The following SGCZ variants were observed in gnomAD, a reference collection of about 807,000 sequenced individuals.
SGCZ encodes the protein sarcoglycan zeta.
In SGCZ, 40 loss-of-function variants were observed where a neutral mutation model predicts 41.3. The ratio of observed to expected loss-of-function variants is 0.97; its 90% CI spans 0.75 to 1.26. The LOEUF (loss-of-function observed/expected upper bound fraction) is 1.26. Ranked by LOEUF, SGCZ falls within the 50% of genes most tolerant of loss-of-function variation. The pLI is 0.00. For missense variants in SGCZ, 552 were observed against 369.8 expected, an observed-to-expected ratio of 1.49 and a Z score of -4.04; for synonymous variants, 206 against 137.5, an observed-to-expected ratio of 1.50 and a Z score of -3.49.
intron 2 of SGCZ, among the ~76,000 whole-genome samples, chr8:14,482,732 C>A (rs1418342433): frequency 6.6e-6 from 1 of 151,768 alleles, no homozygotes; most frequent in East Asian, 2.0e-4. Context: ...GCTGAGGGCC[C>A]GAATAGAACA....
chr8:14,549,510 C>T (rs541826873), intron 2 of SGCZ, among the ~76,000 whole-genome samples: 2 of 152,026 alleles, frequency 1.3e-5, no homozygotes, highest in Non-Finnish European at 2.9e-5. Flanking sequence ...TGAACCTACA[C>T]TTTTAAAACT....
chr8:14,357,576 G>C (rs932046482), intron 2 of SGCZ, among the ~76,000 whole-genome samples: 1 of 152,118 alleles, frequency 6.6e-6, no homozygotes, highest in Non-Finnish European at 1.5e-5. Flanking sequence ...TGGCAAAAGG[G>C]ACTCGCTACC....
At chr8:14,368,502 C>G (rs1205176066) in intron 2 of SGCZ, among the ~76,000 whole-genome samples, 1 of 152,052 alleles carries the variant, frequency 6.6e-6, no homozygotes, top group Non-Finnish European at 1.5e-5. Context: ...GTCCTCCATA[C>G]TAAAACTTCA....
chr8:14,545,141 C>A (rs547492401), intron 2 of SGCZ, among the ~76,000 whole-genome samples: 1 of 152,016 alleles, frequency 6.6e-6, no homozygotes, highest in Admixed American at 6.6e-5. Flanking sequence ...TAGAAAGAAC[C>A]TACATTGAAA....
At chr8:14,922,264 TA>T (rs1306263713) in intron 1 of SGCZ, among the ~76,000 whole-genome samples, 1 of 152,080 alleles carries the variant, frequency 6.6e-6, no homozygotes, top group Non-Finnish European at 1.5e-5. Context: ...ATTCTTGGGC[TA>T]ACCATGTCTT....
At chr8:15,085,252 C>A (rs928995644) in intron 1 of SGCZ, among the ~76,000 whole-genome samples, 2 of 152,166 alleles carry the variant, frequency 1.3e-5, no homozygotes, top group Non-Finnish European at 2.9e-5. Context: ...TCTATGCTCT[C>A]ATTTTTACTT....
At chr8:15,109,016 T>A (rs1252659904) in intron 1 of SGCZ, among the ~76,000 whole-genome samples, 1 of 152,180 alleles carries the variant, frequency 6.6e-6, no homozygotes, top group Admixed American at 6.5e-5. Context: ...TGAGGTTTGA[T>A]GGTCTTACAG....
intron 1 of SGCZ, among the ~76,000 whole-genome samples, chr8:15,057,052 C>T (rs1804734330): frequency 6.6e-6 from 1 of 152,180 alleles, no homozygotes; most frequent in South Asian, 2.1e-4. Context: ...GATGTGTGGG[C>T]CGCAGTGCCC....
At chr8:14,980,393 G>C (rs1482467501) in intron 1 of SGCZ, among the ~76,000 whole-genome samples, 1 of 152,154 alleles carries the variant, frequency 6.6e-6, no homozygotes, top group Non-Finnish European at 1.5e-5. Context: ...CATTTTGAGG[G>C]TCTAATTTTT....
Position 14,672,324 on chromosome 8 carries a change from C to T in SGCZ, c.40-117398G>A, listed in dbSNP as rs565739124. Among the ~76,000 whole-genome samples, 58 of 152,126 alleles carry T rather than the reference C, an allele frequency of 3.8e-4. No homozygotes were observed. The East Asian group carries it at 4.1e-3, about 11-fold the overall frequency. On this transcript the variant is annotated intron_variant, in intron 1 of 7. Coordinates refer to ENST00000382080, the MANE Select transcript of SGCZ (RefSeq NM_139167.4). ...ATGCCCAATGTCTCATATTCCATAG[C>T]GGAAAACCAGCTGTAAATATTTGCT...
chr8:14,918,024 G>A (rs2130786806), intron 1 of SGCZ, among the ~76,000 whole-genome samples: 1 of 152,136 alleles, frequency 6.6e-6, no homozygotes. Context: ...TTTTTAAAAT[G>A]CCCTCTTGGC....
intron 4 of SGCZ, among the ~76,000 whole-genome samples, chr8:14,212,590 AAATAG>A (rs1323393288): frequency 1.3e-5 from 2 of 152,180 alleles, no homozygotes; most frequent in African/African-American, 2.4e-5. Context: ...GTGACTGATA[AAATAG>A]AAGATTTCAA....
intron 2 of SGCZ, among the ~76,000 whole-genome samples, chr8:14,354,184 A>T (rs925825914): frequency 6.6e-6 from 1 of 152,068 alleles, no homozygotes; most frequent in Non-Finnish European, 1.5e-5. Flanking sequence ...TCCAATAAAC[A>T]CTGTTAAACT....
At chr8:14,553,944 C>A (rs1803953462) in intron 2 of SGCZ, among the ~76,000 whole-genome samples, 2 of 151,906 alleles carry the variant, frequency 1.3e-5, no homozygotes, top group Admixed American at 1.3e-4. Context: ...CAAGGAAAAG[C>A]AGAATGGTTT....
intron 1 of SGCZ, among the ~76,000 whole-genome samples, chr8:15,176,865 G>A (rs780559614): frequency 3.9e-5 from 6 of 152,180 alleles, no homozygotes; most frequent in Admixed American, 2.6e-4. Flanking sequence ...GCCAGGCGTG[G>A]TGGCAGGCGC....
intron 3 of SGCZ, among the ~76,000 whole-genome samples, chr8:14,282,372 T>C (rs12679793): frequency 0.14 from 21,386 of 151,688 alleles, 1,692 homozygotes; most frequent in Admixed American, 0.21. Context: ...AAAAATCTTA[T>C]CACCAATTTA....
intron 1 of SGCZ, among the ~76,000 whole-genome samples, chr8:14,831,644 GTATA>G (rs770631445): frequency 2.7e-5 from 4 of 150,162 alleles, no homozygotes; most frequent in Non-Finnish European, 5.9e-5. Flanking sequence ...GTGTGTGTGT[GTATA>G]TATATATATA....
chr8:14,834,508 C>T (rs536492810), intron 1 of SGCZ, among the ~76,000 whole-genome samples: 1 of 152,208 alleles, frequency 6.6e-6, no homozygotes, highest in African/African-American at 2.4e-5. Flanking sequence ...CAAAGAGTTC[C>T]CCACCTGAAA....
At chr8:14,672,430 G>C (rs1333372874) in intron 1 of SGCZ, among the ~76,000 whole-genome samples, 1 of 152,062 alleles carries the variant, frequency 6.6e-6, no homozygotes, top group Non-Finnish European at 1.5e-5. Flanking sequence ...CAAGCTGGTG[G>C]TTGTTTTTTA....
Sources: allele counts gnomAD v4.1 joint callset (sites outside exome capture counted in the v4.1 genomes callset), GRCh38; gene constraint gnomAD v4.1.1; transcripts MANE v1.5; gene names NCBI Gene and HGNC (gene_info 2026-07-23, HGNC 2026-07-21).